The following ALB variants were observed in gnomAD, a reference collection of about 807,000 sequenced individuals.
ALB encodes albumin.
Under a neutral mutation model 74.5 loss-of-function variants are expected in ALB, and 37 were observed. The ratio of observed to expected loss-of-function variants is 0.50; its 90% CI spans 0.38 to 0.65. The LOEUF (loss-of-function observed/expected upper bound fraction) is 0.65. Among genes scored for constraint, ALB ranks in the 30% least tolerant of loss-of-function variants. The pLI is 0.00. For synonymous variants in ALB, 249 were observed against 251.6 expected (o/e 0.99, Z 0.10); for missense variants, 685 against 718.7 (o/e 0.95, Z 0.54).
chr4:73,413,054 A>T (rs778919467), intron 7 of ALB, among the ~76,000 whole-genome samples: 28 of 152,170 alleles, frequency 1.8e-4, no homozygotes, highest in Non-Finnish European at 4.0e-4. Flanking sequence ...CATTTTTCAA[A>T]AATCTTCTAT....
At chr4:73,408,334 A>G (rs1228430581) in intron 3 of ALB, among the ~76,000 whole-genome samples, 2 of 152,210 alleles carry the variant, frequency 1.3e-5, no homozygotes, top group African/African-American at 4.8e-5. Context: ...TAGGAGTCAT[A>G]TAACTTTCCT....
Position 73,406,713 on chromosome 4 carries a change from A to G in ALB, c.222A>G (p.Ala74=). The G allele has an allele frequency of 6.2e-7, 1 of 1,613,956 alleles. No individual in the cohort carries two copies. The highest frequency in any genetic ancestry group is 8.5e-7 in the Non-Finnish European group (1 of 1,179,964). ...VKLVNEVTEF[A]KTCVADESAE... ...TAGTGAATGAAGTAACTGAATTTGC[A>G]AAAACATGTGTTGCTGATGAGTCAG... The change falls in exon 3 of 15, where the codon GCA becomes GCG. Residue 74 remains alanine (A), a synonymous_variant. Transcript: ENST00000295897.
In ALB at chr4:73,419,562, G is replaced by A. The variant is rs1719095771; in HGVS notation, c.1708G>A (p.Ala570Thr). ...CAAGGCAACAAAAGAGCAACTGAAA[G>A]CTGTTATGGATGATTTCGCAGCTTT... is the stretch of plus-strand genomic sequence containing the variant. ...KPKATKEQLK[A>T]VMDDFAAFVE... The change falls in exon 13 of 15, where the codon GCT becomes ACT. Residue 570 changes from alanine (A) to threonine (T), a missense_variant. Ala to Thr is a moderately conservative substitution (Grantham distance 58). Coordinates refer to ENST00000295897, the MANE Select transcript of ALB (RefSeq NM_000477.7). 6.2e-7 allele frequency: 1 copy of A among 1,613,664 alleles called. No homozygotes were observed. Among genetic ancestry groups the A allele is most frequent in the Non-Finnish European group, 8.5e-7 (1 of 1,179,930 alleles).
chr4:73,408,449 T>C, intron 3 of ALB, 145 bp from the exon 4 acceptor site: 2 of 702,980 alleles, frequency 2.8e-6, no homozygotes, highest in East Asian at 2.7e-5. Flanking sequence ...CATCAGAAAC[T>C]GTAAACCTCG....
At chr4:73,417,012 G>A (rs1398118324) in intron 10 of ALB, among the ~76,000 whole-genome samples, 1 of 152,154 alleles carries the variant, frequency 6.6e-6, no homozygotes. Context: ...CAGTGAACAA[G>A]ACATAGTTTC....
At chr4:73,416,966 T>C (rs1719028683) in intron 10 of ALB, among the ~76,000 whole-genome samples, 1 of 152,162 alleles carries the variant, frequency 6.6e-6, no homozygotes, top group Non-Finnish European at 1.5e-5. Context: ...CTCATACACA[T>C]GGTGCTCTTC....
intron 5 of ALB, 79 bp from the exon 6 acceptor site, chr4:73,410,233 C>T: frequency 9.2e-7 from 1 of 1,087,250 alleles, no homozygotes; most frequent in Non-Finnish European, 1.4e-6. Context: ...TAATTTGGCA[C>T]AGTCTCATCT....
rs35807836 is a variant in ALB at position 73,416,375 on chromosome 4, A to ATT, written c.1289+29_1289+30dup. 213 of 1,520,810 alleles carry ATT rather than the reference A, an allele frequency of 1.4e-4. 1 individual carries two copies. Among genetic ancestry groups the ATT allele is most frequent in the Non-Finnish European group, 1.8e-4 (196 of 1,098,390 alleles). The allele number at this position is 1,520,810 out of a possible 1,614,324, so 94.2% of individuals were successfully genotyped here. A position where few individuals can be genotyped will look rare whatever the true frequency, so the allele number is the denominator to read the frequency against. On this transcript the variant is annotated intron_variant, in intron 10 of 14. Transcript: ENST00000295897. Reference sequence around the variant, plus strand: ...ATGCGTAAGTAATTTTTATTGACTGATTTTTTTTATCAATTTGTAATTATT... The same window carrying ATT: ...ATGCGTAAGTAATTTTTATTGACTGATTTTTTTTTTATCAATTTGTAATTATT...
chr4:73,406,784 G>T, intron 3 of ALB, 23 bp downstream of exon 3: 1 of 1,612,968 alleles, frequency 6.2e-7, no homozygotes, highest in Non-Finnish European at 8.5e-7. Flanking sequence ...TAATTGTGGA[G>T]ATTCTTTCTT....
At chr4:73,407,942 C>A (rs1050887418) in intron 3 of ALB, among the ~76,000 whole-genome samples, 2 of 152,106 alleles carry the variant, frequency 1.3e-5, no homozygotes, top group East Asian at 3.8e-4. Context: ...AATACTATGG[C>A]TCTACATATG....
chr4:73,410,928 A>T (rs1477758304), intron 6 of ALB, among the ~76,000 whole-genome samples: 3 of 152,182 alleles, frequency 2.0e-5, no homozygotes, highest in African/African-American at 7.2e-5. Context: ...AGTTAAATTC[A>T]GTCACCAACT....
At chr4:73,406,594 T>C (rs750290382) in intron 2 of ALB, 35 bp from the exon 3 acceptor site, 1 of 1,610,516 alleles carries the variant, frequency 6.2e-7, no homozygotes, top group Non-Finnish European at 8.5e-7. Context: ...ATTAAAGTTT[T>C]ATTATACTAC....
At chr4:73,417,787 A>T in intron 11 of ALB, 118 bp downstream of exon 11, 1 of 973,392 alleles carries the variant, frequency 1.0e-6, no homozygotes, top group South Asian at 1.7e-5. Context: ...GTTTGTGTGC[A>T]TGTGTGTGTG....
At position 73,420,238 on chromosome 4, in the gene ALB, A is replaced by G. The variant is rs147979481; in HGVS notation, c.1786-16A>G. 23 of 1,610,156 alleles carry G rather than the reference A, an allele frequency of 1.4e-5. No individual in the cohort carries two copies. In the Middle Eastern group the frequency reaches 6.6e-4, roughly 46 times the overall value. Reference sequence around the variant, plus strand: ...TGCTAATATTTTCCTAACATCTGTCATGTCTTTGTGTTCAGGGTAAAAAAC... The same window carrying G: ...TGCTAATATTTTCCTAACATCTGTCGTGTCTTTGTGTTCAGGGTAAAAAAC... On this transcript the variant is annotated splice_polypyrimidine_tract_variant and intron_variant, in intron 13 of 14. Coordinates refer to ENST00000295897, the MANE Select transcript of ALB (RefSeq NM_000477.7).
chr4:73,412,177 A>G (rs1156947755), intron 7 of ALB, 52 bp downstream of exon 7: 1 of 1,609,966 alleles, frequency 6.2e-7, no homozygotes, highest in East Asian at 2.2e-5. Context: ...AAGTTGGTAG[A>G]ATGGATGCGT....
At chr4:73,419,104 T>G (rs1365527236) in intron 12 of ALB, among the ~76,000 whole-genome samples, 2 of 152,162 alleles carry the variant, frequency 1.3e-5, no homozygotes, top group East Asian at 1.9e-4. Context: ...GATAATTAAA[T>G]TTTTAAGGAT....
Position 73,412,093 on chromosome 4 carries a change from C to CA in ALB, c.812dup (p.His271GlnfsTer6). 1 of 1,614,044 alleles carries CA rather than the reference C, an allele frequency of 6.2e-7. No homozygotes were observed. The highest frequency in any genetic ancestry group is 8.5e-7 in the Non-Finnish European group (1 of 1,180,004). Reference sequence around the variant, plus strand: ...TACCAAAGTCCACACGGAATGCTGCCATGGAGATCTGCTTGAATGTGCTGA... The same window carrying CA: ...TACCAAAGTCCACACGGAATGCTGCCAATGGAGATCTGCTTGAATGTGCTGA... On this transcript the variant is annotated frameshift_variant, in exon 7 of 15. Coordinates refer to ENST00000295897, the MANE Select transcript of ALB (RefSeq NM_000477.7). LOFTEE classifies it high-confidence loss of function.
intron 2 of ALB, among the ~76,000 whole-genome samples, chr4:73,405,434 A>C (rs1718695109): frequency 6.6e-6 from 1 of 152,146 alleles, no homozygotes; most frequent in Admixed American, 6.5e-5. Flanking sequence ...AGTTAATTTG[A>C]ATGTATATAG....
chr4:73,416,692 T>C (rs1409827340), intron 10 of ALB, among the ~76,000 whole-genome samples: 1 of 152,164 alleles, frequency 6.6e-6, no homozygotes, highest in African/African-American at 2.4e-5. Context: ...GAGCAGCAAG[T>C]AGTAGGCCTT....
Sources: gnomAD v4.1 joint callset for allele counts (sites outside exome capture counted in the v4.1 genomes callset) on GRCh38, gnomAD v4.1.1 for gene constraint, MANE v1.5 for transcripts, NCBI Gene and HGNC (gene_info 2026-07-23, HGNC 2026-07-21) for gene names.